The following CNTN4 variants were observed in gnomAD, a reference collection of about 807,000 sequenced individuals.
CNTN4 encodes the protein contactin 4.
Under a neutral mutation model 122.5 loss-of-function variants are expected in CNTN4, and 77 were observed. The ratio of observed to expected loss-of-function variants is 0.63; its 90% CI spans 0.52 to 0.76. The LOEUF (loss-of-function observed/expected upper bound fraction) is 0.76, where lower values mean the gene tolerates loss of function less well. CNTN4 is among the 30% of genes least tolerant of loss of function. CNTN4 has a pLI of 0.00. For synonymous variants in CNTN4, 512 were observed against 447.0 expected, an observed-to-expected ratio of 1.15 and a Z score of -1.83; for missense variants, 1,256 against 1,259.1, an observed-to-expected ratio of 1.00 and a Z score of 0.04.
intron 4 of CNTN4, among the ~76,000 whole-genome samples, chr3:2,726,970 C>T (rs1291500543): frequency 6.6e-6 from 1 of 152,062 alleles, no homozygotes; most frequent in Admixed American, 6.5e-5. Flanking sequence ...TTCTGTAAAC[C>T]TCAAACTGCT....
intron 7 of CNTN4, among the ~76,000 whole-genome samples, chr3:2,820,957 C>CTTTTTTTTTT (rs1435679583): frequency 2.8e-5 from 2 of 70,624 alleles, no homozygotes; most frequent in African/African-American, 1.1e-4. Context: ...AACATTTTCT[C>CTTTTTTTTTT]TTTCTTTTTT....
Position 2,292,445 on chromosome 3 carries a change from G to A in CNTN4, c.-144-46733G>A, listed in dbSNP as rs149905337. Among the ~76,000 whole-genome samples the A allele has an allele frequency of 2.9e-3, 448 of 152,182 alleles. 4 individuals carry two copies. Among genetic ancestry groups the A allele is most frequent in the Middle Eastern group, 0.014 (4 of 292 alleles). ...TTTATTGAATTTTTCAGGATTATTT[G>A]TATGCAATAAAATGCTCATATCTGA... On this transcript the variant is annotated intron_variant, in intron 2 of 24. Coordinates refer to ENST00000418658, the MANE Select transcript of CNTN4 (RefSeq NM_175607.3).
At chr3:2,895,628 A>G (rs1378922415) in intron 10 of CNTN4, among the ~76,000 whole-genome samples, 1 of 152,242 alleles carries the variant, frequency 6.6e-6, no homozygotes, top group Non-Finnish European at 1.5e-5. Flanking sequence ...GGAGATGAAG[A>G]AGCCATAAAT....
At chr3:2,999,333 A>G (rs1559770636) in intron 14 of CNTN4, among the ~76,000 whole-genome samples, 1 of 152,238 alleles carries the variant, frequency 6.6e-6, no homozygotes, top group Non-Finnish European at 1.5e-5. Context: ...CTATGTGGGG[A>G]AGATAGAAGA....
At chr3:2,924,113 C>A (rs1241436601) in intron 12 of CNTN4, among the ~76,000 whole-genome samples, 1 of 151,932 alleles carries the variant, frequency 6.6e-6, no homozygotes, top group African/African-American at 2.4e-5. Flanking sequence ...CATGAGAATA[C>A]CAGCCCCAGG....
intron 6 of CNTN4, among the ~76,000 whole-genome samples, chr3:2,781,716 ATTTTTTTTTTTT>A (rs59896254): frequency 3.4e-4 from 29 of 85,954 alleles, no homozygotes; most frequent in African/African-American, 1.2e-3. Flanking sequence ...CTTTGGGTAA[ATTTTTTTTTTTT>A]TTTTTTTTTT....
chr3:2,337,761 GA>G (rs1250215518), intron 2 of CNTN4, among the ~76,000 whole-genome samples: 1 of 151,874 alleles, frequency 6.6e-6, no homozygotes, highest in African/African-American at 2.4e-5. Context: ...CTGTGAAGAA[GA>G]AAAAATATAT....
At chr3:2,457,196 T>C (rs2049036594) in intron 3 of CNTN4, among the ~76,000 whole-genome samples, 1 of 152,142 alleles carries the variant, frequency 6.6e-6, no homozygotes, top group South Asian at 2.1e-4. Context: ...GGGCATACTT[T>C]CAATTGTTGT....
At chr3:2,787,558 G>C (rs575841804) in intron 6 of CNTN4, among the ~76,000 whole-genome samples, 1 of 152,196 alleles carries the variant, frequency 6.6e-6, no homozygotes, top group Non-Finnish European at 1.5e-5. Context: ...AATAGAGGAA[G>C]AAGAATCCTG....
intron 6 of CNTN4, among the ~76,000 whole-genome samples, chr3:2,764,067 G>C (rs1360565955): frequency 6.6e-6 from 1 of 152,068 alleles, no homozygotes; most frequent in Non-Finnish European, 1.5e-5. Flanking sequence ...CATTTCAAGT[G>C]AGGAGAAAAC....
intron 3 of CNTN4, among the ~76,000 whole-genome samples, chr3:2,357,154 C>G (rs1197689084): frequency 1.3e-5 from 2 of 152,180 alleles, no homozygotes; most frequent in Non-Finnish European, 2.9e-5. Context: ...TAACCAAGAC[C>G]TAGGTGATCC....
intron 8 of CNTN4, among the ~76,000 whole-genome samples, chr3:2,879,875 A>G (rs976556214): frequency 5.9e-5 from 9 of 152,206 alleles, no homozygotes; most frequent in African/African-American, 1.4e-4. Flanking sequence ...TGTTTTTTAA[A>G]AAAAATTATC....
chr3:2,444,208 TA>T (rs36104812), intron 3 of CNTN4, among the ~76,000 whole-genome samples: 30,043 of 136,074 alleles, frequency 0.22, 3,198 homozygotes, highest in Middle Eastern at 0.28. Context: ...TGTATTCTAG[TA>T]AAAAAAAAAA....
chr3:2,520,957 C>A (rs987759356), intron 3 of CNTN4, among the ~76,000 whole-genome samples: 1 of 152,088 alleles, frequency 6.6e-6, no homozygotes, highest in African/African-American at 2.4e-5. Flanking sequence ...ACAATATGAA[C>A]AAACAAACAA....
At chr3:2,286,969 A>G (rs749941141) in intron 2 of CNTN4, among the ~76,000 whole-genome samples, 5 of 152,228 alleles carry the variant, frequency 3.3e-5, no homozygotes, top group Non-Finnish European at 7.3e-5. Context: ...GTTTGTAGGT[A>G]GAAGTATGAA....
chr3:2,373,407 A>G (rs1211715993), intron 3 of CNTN4, among the ~76,000 whole-genome samples: 2 of 152,260 alleles, frequency 1.3e-5, no homozygotes, highest in Non-Finnish European at 2.9e-5. Context: ...TGAATCGAGT[A>G]CGTACAACTG....
At chr3:2,710,459 T>C (rs527661925) in intron 4 of CNTN4, among the ~76,000 whole-genome samples, 1 of 152,178 alleles carries the variant, frequency 6.6e-6, no homozygotes, top group East Asian at 1.9e-4. Flanking sequence ...GCAATTTCCT[T>C]TTCCTGAAAG....
At chr3:2,540,435 A>G (rs374133848) in intron 3 of CNTN4, among the ~76,000 whole-genome samples, 60 of 152,144 alleles carry the variant, frequency 3.9e-4, no homozygotes, top group Middle Eastern at 3.4e-3. Context: ...GAGTGGAGGC[A>G]TGGGTGTGGT....
rs6800354 is a variant in CNTN4, at chr3:3,042,969, C to T, written c.2512-8C>T. 375,062 of 1,609,488 alleles carry T rather than the reference C, an allele frequency of 0.23. 44,952 individuals are homozygous for T. Among genetic ancestry groups the T allele is most frequent in the African/African-American group, 0.32 (24,058 of 74,792 alleles). ...TGGTTTCCAAGGTCTTTCTGTTTATCTTCTTAGGTTAAATATTGGAGACAT... is the reference window on the plus strand; with the variant it reads ...TGGTTTCCAAGGTCTTTCTGTTTATTTTCTTAGGTTAAATATTGGAGACAT... On this transcript the variant is annotated splice_polypyrimidine_tract_variant and splice_region_variant and intron_variant, in intron 21 of 24. Transcript: ENST00000418658.
Sources: allele counts gnomAD v4.1 joint callset (sites outside exome capture counted in the v4.1 genomes callset), GRCh38; gene constraint gnomAD v4.1.1; transcripts MANE v1.5; gene names NCBI Gene and HGNC (gene_info 2026-07-23, HGNC 2026-07-21).